NTNG1: variants seen among roughly 807,000 people sequenced by gnomAD.
The protein encoded by NTNG1 is netrin-G1.
A neutral mutation model predicts 54.0 loss-of-function variants in NTNG1; 16 were observed. The ratio of observed to expected loss-of-function variants is 0.30; its 90% confidence interval spans 0.20 to 0.45. The LOEUF is 0.45. NTNG1 is among the 20% of genes least tolerant of loss of function. The pLI is 1.00. For missense variants in NTNG1, 530 were observed against 678.7 expected (o/e 0.78, Z 2.43); for synonymous variants, 255 against 263.1 (o/e 0.97, Z 0.30).
chr1:107,424,403 C>T (rs1365952155), intron 5 of NTNG1, among the ~76,000 whole-genome samples: 2 of 152,078 alleles, frequency 1.3e-5, no homozygotes, highest in Non-Finnish European at 2.9e-5. Context: ...GAATGAACTC[C>T]TCTTTTATTC....
chr1:107,232,115 A>G (rs537211728), intron 2 of NTNG1, among the ~76,000 whole-genome samples: 2 of 152,306 alleles, frequency 1.3e-5, no homozygotes, highest in East Asian at 3.9e-4. Context: ...GGTGAATAGA[A>G]TGAAGGGACA....
intron 1 of NTNG1, among the ~76,000 whole-genome samples, chr1:107,146,016 A>C (rs1364315621): frequency 1.3e-5 from 2 of 152,120 alleles, no homozygotes; most frequent in East Asian, 3.8e-4. Context: ...GTGGTTGAGG[A>C]CAGAGTAACC....
chr1:107,481,403 C>T lies in NTNG1; in HGVS notation c.*563C>T, dbSNP rs1169179034. The T allele has an allele frequency of 1.3e-5, 2 of 153,338 alleles. No homozygotes were observed. The highest frequency in any genetic ancestry group is 2.9e-5 in the Non-Finnish European group (2 of 68,734). The allele number at this position is 153,338 out of a possible 1,614,324, so 9.5% of individuals were successfully genotyped here. ...TTCTTTGTCTGATGTTAGTGATGCACATGTGTAACAGCCCCCTCTAAAAGC... is the reference window on the plus strand; with the variant it reads ...TTCTTTGTCTGATGTTAGTGATGCATATGTGTAACAGCCCCCTCTAAAAGC... On this transcript the variant is annotated 3_prime_UTR_variant, in exon 8 of 8. Transcript: ENST00000370068.
intron 3 of NTNG1, among the ~76,000 whole-genome samples, chr1:107,367,175 T>C (rs766543492): frequency 3.2e-4 from 48 of 152,058 alleles, no homozygotes; most frequent in Non-Finnish European, 6.2e-4. Flanking sequence ...CCTACAGATA[T>C]AACAGGCAAA....
chr1:107,446,534 G>A (rs188277765), intron 7 of NTNG1, among the ~76,000 whole-genome samples: 35 of 152,104 alleles, frequency 2.3e-4, no homozygotes, highest in Admixed American at 1.5e-3. Context: ...CATACAGAAC[G>A]TGTTCAGAAT....
intron 3 of NTNG1, among the ~76,000 whole-genome samples, chr1:107,392,612 C>T (rs1469563045): frequency 1.3e-5 from 2 of 151,794 alleles, no homozygotes; most frequent in South Asian, 2.1e-4. Context: ...ACAAGGAGGT[C>T]GTGGGTGATT....
chr1:107,199,479 A>G (rs1658575787), intron 2 of NTNG1, among the ~76,000 whole-genome samples: 1 of 151,928 alleles, frequency 6.6e-6, no homozygotes, highest in Non-Finnish European at 1.5e-5. Flanking sequence ...TTGCTTATTA[A>G]AAATATGTAC....
intron 2 of NTNG1, among the ~76,000 whole-genome samples, chr1:107,273,070 A>G (rs1299793704): frequency 6.6e-6 from 1 of 152,230 alleles, no homozygotes; most frequent in African/African-American, 2.4e-5. Context: ...AATCAAATGC[A>G]TATCTATTTT....
intron 3 of NTNG1, among the ~76,000 whole-genome samples, chr1:107,358,538 G>C (rs1326795964): frequency 6.6e-6 from 1 of 151,564 alleles, no homozygotes; most frequent in African/African-American, 2.4e-5. Context: ...CTGAAAATCT[G>C]GTCATCTTTT....
intron 7 of NTNG1, among the ~76,000 whole-genome samples, chr1:107,478,359 T>C (rs578246450): frequency 6.6e-6 from 1 of 152,300 alleles, no homozygotes; most frequent in Admixed American, 6.5e-5. Flanking sequence ...AGATTACTAA[T>C]TCTGGGCTAT....
intron 2 of NTNG1, among the ~76,000 whole-genome samples, chr1:107,205,618 CTT>C (rs1204470957): frequency 4.0e-4 from 60 of 151,744 alleles, no homozygotes; most frequent in African/African-American, 1.4e-3. Flanking sequence ...ATAAAGCAGA[CTT>C]TTTTTTTAAA....
intron 7 of NTNG1, among the ~76,000 whole-genome samples, chr1:107,448,021 G>T (rs1676407179): frequency 6.6e-6 from 1 of 152,052 alleles, no homozygotes; most frequent in Non-Finnish European, 1.5e-5. Flanking sequence ...AGATAAATGG[G>T]ATTCCTGCCA....
At position 107,324,740 on chromosome 1, in the gene NTNG1, T is replaced by A. The variant is rs543581098; in HGVS notation, c.705T>A (p.Pro235=). 17 of 1,613,602 alleles carry A rather than the reference T, an allele frequency of 1.1e-5. No individual in the cohort carries two copies. The South Asian group carries it at 1.5e-4, about 15-fold the overall frequency. Residue 235 remains proline (P), a synonymous_variant, in exon 3 of 8, where the codon CCT becomes CCA. Transcript: ENST00000370068. ...ACAGGTTCGCGTTTTTTGCTGGACC[T>A]CGCCTACGCAATATGGCTTCCCTCT... ...IKDRFAFFAG[P]RLRNMASLYG... is the part of the protein sequence containing the mutation.
chr1:107,158,589 C>T (rs1655173453), intron 2 of NTNG1, among the ~76,000 whole-genome samples: 2 of 152,022 alleles, frequency 1.3e-5, no homozygotes, highest in Non-Finnish European at 2.9e-5. Flanking sequence ...GATTTTTCAC[C>T]GTCATATGTG....
chr1:107,319,882 T>TAC (rs1667558652), intron 2 of NTNG1, among the ~76,000 whole-genome samples: 1 of 151,020 alleles, frequency 6.6e-6, no homozygotes, highest in African/African-American at 2.4e-5. Context: ...TATATATATA[T>TAC]ATAAAACTCT....
chr1:107,439,876 T>C (rs1007843331), intron 7 of NTNG1, among the ~76,000 whole-genome samples: 2 of 151,986 alleles, frequency 1.3e-5, no homozygotes, highest in African/African-American at 4.8e-5. Flanking sequence ...GATAATTTTT[T>C]TTTTTCATTT....
At chr1:107,231,371 A>G (rs940682048) in intron 2 of NTNG1, among the ~76,000 whole-genome samples, 3 of 152,190 alleles carry the variant, frequency 2.0e-5, no homozygotes, top group Non-Finnish European at 2.9e-5. Flanking sequence ...TGTGGAGCTA[A>G]GTAGCCTGAC....
intron 2 of NTNG1, among the ~76,000 whole-genome samples, chr1:107,216,821 G>T (rs1244408484): frequency 1.3e-5 from 2 of 152,030 alleles, no homozygotes; most frequent in Non-Finnish European, 2.9e-5. Flanking sequence ...GGGACTACAG[G>T]CATGTACCAC....
intron 2 of NTNG1, among the ~76,000 whole-genome samples, chr1:107,321,236 G>A (rs1005973776): frequency 2.0e-5 from 3 of 152,076 alleles, no homozygotes; most frequent in Admixed American, 1.3e-4. Context: ...CAAGGACTTG[G>A]ATTTGTTTAT....
Sources: allele counts gnomAD v4.1 joint callset (sites outside exome capture counted in the v4.1 genomes callset), GRCh38; gene constraint gnomAD v4.1.1; transcripts MANE v1.5; gene names NCBI Gene and HGNC (gene_info 2026-07-23, HGNC 2026-07-21).